Variants in DLST observed in about 807,000 individuals in gnomAD.
DLST encodes dihydrolipoyllysine-residue succinyltransferase component of 2-oxoglutarate dehydrogenase complex, mitochondrial.
DLST carries 17 observed loss-of-function variants against 53.1 expected under a neutral mutation model. The ratio of observed to expected loss-of-function variants is 0.32; its 90% CI spans 0.22 to 0.48. The LOEUF is 0.48. Ranked by LOEUF, DLST falls within the 20% of genes least tolerant of loss-of-function variation. The pLI is 0.99. For missense variants in DLST, 512 were observed against 583.9 expected (o/e 0.88, Z 1.27); for synonymous variants, 206 against 204.8 (o/e 1.01, Z -0.05).
intron 13 of DLST, among the ~76,000 whole-genome samples, chr14:74,900,835 C>T (rs559506991): frequency 6.6e-6 from 1 of 152,314 alleles, no homozygotes; most frequent in African/African-American, 2.4e-5. Context: ...AGCGATTCTC[C>T]TGCCTCAGCC....
At chr14:74,894,197 G>C (rs1884000270) in intron 9 of DLST, 115 bp from the exon 10 acceptor site, 3 of 1,212,036 alleles carry the variant, frequency 2.5e-6, no homozygotes, top group African/African-American at 1.5e-5. Context: ...CGTGTACTTA[G>C]ATACTGTAGT....
In DLST at chr14:74,903,355, CAG is replaced by C. The variant is rs1350766361; in HGVS notation, c.*1027_*1028del. ...GCCTTGTCTCTTCCTCTGCAGGACA[CAG>C]ATCTGGAGGACGTGGACTGGGGTAG... On this transcript the variant is annotated 3_prime_UTR_variant, in exon 15 of 15. Coordinates refer to ENST00000334220, the MANE Select transcript of DLST (RefSeq NM_001933.5). The C allele has an allele frequency of 1.3e-5, 2 of 152,464 alleles. No homozygotes were observed. Among genetic ancestry groups the C allele is most frequent in the African/African-American group, 4.8e-5 (2 of 41,456 alleles). The allele number at this position is 152,464 out of a possible 1,614,324, so 9.4% of individuals were successfully genotyped here. A position where few individuals can be genotyped will look rare whatever the true frequency, so the allele number is the denominator to read the frequency against.
intron 10 of DLST, among the ~76,000 whole-genome samples, chr14:74,898,123 CA>C (rs1238586775): frequency 3.3e-5 from 5 of 152,028 alleles, no homozygotes; most frequent in Non-Finnish European, 7.4e-5. Flanking sequence ...ACTTCTAGAC[CA>C]TGAAGGAGCC....
intron 2 of DLST, among the ~76,000 whole-genome samples, chr14:74,883,204 A>T (rs1214834753): frequency 6.6e-6 from 1 of 151,596 alleles, no homozygotes; most frequent in Non-Finnish European, 1.5e-5. Context: ...CTGAGGCACG[A>T]GAATGGCGTG....
intron 2 of DLST, among the ~76,000 whole-genome samples, chr14:74,884,047 GT>G (rs1883622526): frequency 6.6e-6 from 1 of 152,212 alleles, no homozygotes; most frequent in South Asian, 2.1e-4. Flanking sequence ...GCTTGGGAAG[GT>G]TGGGAATGTC....
intron 10 of DLST, among the ~76,000 whole-genome samples, chr14:74,895,027 A>G (rs951492227): frequency 6.6e-6 from 1 of 152,130 alleles, no homozygotes; most frequent in African/African-American, 2.4e-5. Flanking sequence ...CAGGAGTTCA[A>G]GACCAGCTGG....
chr14:74,896,481 T>C (rs1275001377), intron 10 of DLST, among the ~76,000 whole-genome samples: 2 of 152,208 alleles, frequency 1.3e-5, no homozygotes, highest in Non-Finnish European at 1.5e-5. Context: ...TTAGAGAAAT[T>C]TGCTTTTCTT....
chr14:74,892,858 C>G lies in DLST; in HGVS notation c.467C>G (p.Ala156Gly), dbSNP rs1883955781. 6.2e-7 allele frequency: 1 copy of G among 1,613,398 alleles called. No individual in the cohort carries two copies. The highest frequency in any genetic ancestry group is 2.2e-5 in the East Asian group (1 of 44,878). ...GCTGCTCCTGCTAAGGCCAAGCCGG[C>G]TGAAGCTCCTGCTGCTGCAGCCCCA... ...TGAAPAKAKPAEAPAAAAPKA... is the reference protein window; with the variant it reads ...TGAAPAKAKPGEAPAAAAPKA... The change falls in exon 8 of 15, where the codon GCT (alanine) becomes GGT (glycine). Residue 156 changes from alanine (A) to glycine (G), a missense_variant. By Grantham distance (60) the Ala-to-Gly change is moderately conservative. Around this residue, in one of 4 missense-constraint regions of DLST, gnomAD observed 162 missense variants for 162.0 expected, o/e 1.00. Transcript: ENST00000334220.
At chr14:74,902,168 C>T in intron 14 of DLST, 28 bp from the exon 15 acceptor site, 1 of 1,520,566 alleles carries the variant, frequency 6.6e-7, no homozygotes, top group Non-Finnish European at 8.9e-7. Flanking sequence ...TTGCTGGAGA[C>T]AAACCTATTT....
chr14:74,882,989 A>C (rs535996252), intron 2 of DLST, among the ~76,000 whole-genome samples: 12 of 152,312 alleles, frequency 7.9e-5, no homozygotes, highest in Non-Finnish European at 1.2e-4. Flanking sequence ...CTTTTTGAGG[A>C]GGTGACTTAA....
intron 10 of DLST, among the ~76,000 whole-genome samples, chr14:74,897,380 A>T (rs1884104395): frequency 6.6e-6 from 1 of 152,260 alleles, no homozygotes; most frequent in Non-Finnish European, 1.5e-5. Flanking sequence ...ATAAAGTTAA[A>T]TTCAATTTTC....
intron 7 of DLST, 112 bp from the exon 8 acceptor site, chr14:74,892,722 A>G: frequency 9.6e-7 from 1 of 1,041,520 alleles, no homozygotes; most frequent in Non-Finnish European, 1.4e-6. Context: ...TATTGCTGAT[A>G]CCCAGTAGAC....
At chr14:74,882,386 T>G (rs1222179736) in intron 1 of DLST, among the ~76,000 whole-genome samples, 1 of 152,164 alleles carries the variant, frequency 6.6e-6, no homozygotes, top group Non-Finnish European at 1.5e-5. Context: ...CAGTGGGTAT[T>G]AATGAGTCCC....
Position 74,898,417 on chromosome 14 carries a change from A to G in DLST, c.819A>G (p.Lys273=). 1 of 1,613,494 alleles carries G rather than the reference A, an allele frequency of 6.2e-7. No individual in the cohort carries two copies. The highest frequency in any genetic ancestry group is 8.5e-7 in the Non-Finnish European group (1 of 1,180,024). Residue 273 remains lysine, a synonymous_variant, in exon 11 of 15, where the codon AAA becomes AAG. Coordinates refer to ENST00000334220, the MANE Select transcript of DLST (RefSeq NM_001933.5). ...RARHKEAFLK[K]HNLKLGFMSA... is the part of the protein sequence containing the mutation. Reference sequence around the variant, plus strand: ...GGCACAAAGAGGCTTTTTTGAAGAAACATAACCTCAAACTAGGCTTCATGT... The same window carrying G: ...GGCACAAAGAGGCTTTTTTGAAGAAGCATAACCTCAAACTAGGCTTCATGT...
At chr14:74,894,836 C>T (rs113052558) in intron 10 of DLST, among the ~76,000 whole-genome samples, 2 of 152,048 alleles carry the variant, frequency 1.3e-5, no homozygotes, top group Non-Finnish European at 2.9e-5. Flanking sequence ...CGTGAGCCAC[C>T]GCGCCTGGCC....
At position 74,903,701 on chromosome 14, in the gene DLST, G is replaced by T. The variant is rs1213611943; in HGVS notation, c.*1371G>T. Reference sequence around the variant, plus strand: ...AGAACTTGTAACTAAAGTATTTAAAGAAACTGATTTTAAATGCAAATTAAA... The same window carrying T: ...AGAACTTGTAACTAAAGTATTTAAATAAACTGATTTTAAATGCAAATTAAA... On this transcript the variant is annotated 3_prime_UTR_variant, in exon 15 of 15. Transcript: ENST00000334220. 1.3e-5 allele frequency: 2 copies of T among 152,168 alleles called. No individual in the cohort carries two copies. Among genetic ancestry groups the T allele is most frequent in the Non-Finnish European group, 2.9e-5 (2 of 68,040 alleles). 9.4% of individuals were successfully genotyped at this position (152,168 alleles called of 1,614,324 possible).
chr14:74,887,280 ATTC>A (rs1486520029), intron 3 of DLST, among the ~76,000 whole-genome samples: 1 of 152,208 alleles, frequency 6.6e-6, no homozygotes, highest in East Asian at 1.9e-4. Flanking sequence ...CATTGTAAGT[ATTC>A]TTTTTGCTAT....
At chr14:74,898,886 A>G (rs1884155807) in intron 11 of DLST, among the ~76,000 whole-genome samples, 2 of 152,050 alleles carry the variant, frequency 1.3e-5, no homozygotes, top group African/African-American at 4.8e-5. Flanking sequence ...CTCCTGGCTG[A>G]CCTTTGATCT....
At chr14:74,895,648 G>T in intron 10 of DLST, among the ~76,000 whole-genome samples, 1 of 152,048 alleles carries the variant, frequency 6.6e-6, no homozygotes, top group Middle Eastern at 3.4e-3. Context: ...GCTTGTAATC[G>T]CAACACTTTG....
Sources: gnomAD v4.1 joint callset for allele counts (sites outside exome capture counted in the v4.1 genomes callset) on GRCh38, gnomAD v4.1.1 for gene constraint, gnomAD v4.1.1 regional missense constraint, MANE v1.5 for transcripts, NCBI Gene and HGNC (gene_info 2026-07-23, HGNC 2026-07-21) for gene names.